KCNQ2: variants seen among roughly 807,000 people sequenced by gnomAD.
KCNQ2 encodes the protein potassium voltage-gated channel subfamily KQT member 2.
Under a neutral mutation model 84.8 loss-of-function variants are expected in KCNQ2, and 14 were observed. The observed-to-expected ratio is 0.17, with a 90% CI of 0.11 to 0.26. The LOEUF is 0.26. Ranked by LOEUF, KCNQ2 falls within the 10% of genes least tolerant of loss-of-function variation. The probability of loss-of-function intolerance (pLI) is 1.00; values close to 1 mark genes in which losing one functional copy is unlikely to be tolerated. For synonymous variants in KCNQ2, 599 were observed against 554.1 expected, an observed-to-expected ratio of 1.08 and a Z score of -1.14; for missense variants, 788 against 1,254.0, an observed-to-expected ratio of 0.63 and a Z score of 5.61.
chr20:63,436,003 T>C lies in KCNQ2; in HGVS notation c.1024-2100A>G, dbSNP rs567641922. 3.4e-3 allele frequency among the ~76,000 whole-genome samples: 492 copies of C among 142,832 alleles called. 4 individuals carry two copies. The highest frequency in any genetic ancestry group is 0.012 in the African/African-American group (476 of 39,438). 93.7% of individuals were successfully genotyped at this position (142,832 alleles called of 152,430 possible). A position where few individuals can be genotyped will look rare whatever the true frequency, so the allele number is the denominator to read the frequency against. On this transcript the variant is annotated intron_variant, in intron 7 of 16. Transcript: ENST00000359125. ...GTGGTTTCTTTTTTTTTTTTTTTGG[T>C]CGACAGAATCTACTCCAGGCAAAGA...
intron 1 of KCNQ2, among the ~76,000 whole-genome samples, chr20:63,464,867 C>A (rs1317207539): frequency 6.6e-6 from 1 of 152,168 alleles, no homozygotes; most frequent in Non-Finnish European, 1.5e-5. Flanking sequence ...TTGGCAGGGG[C>A]GTCTCCCCCA....
chr20:63,406,551 G>T lies in KCNQ2; in HGVS notation c.*93C>A. ...ACCCTTCCCGCCACACTCAGTTACT[G>T]TAAGAAAAGGGCCCCAGAGGGTTCC... On this transcript the variant is annotated 3_prime_UTR_variant, in exon 17 of 17. Transcript: ENST00000359125. The T allele has an allele frequency of 2.1e-6, 3 of 1,404,594 alleles. No individual in the cohort carries two copies. Among genetic ancestry groups the T allele is most frequent in the Admixed American group, 5.3e-5 (2 of 37,998 alleles). 87.0% of individuals were successfully genotyped at this position (1,404,594 alleles called of 1,614,324 possible). A position where few individuals can be genotyped will look rare whatever the true frequency, so the allele number is the denominator to read the frequency against.
intron 8 of KCNQ2, among the ~76,000 whole-genome samples, chr20:63,432,923 A>T (rs1047739240): frequency 6.6e-6 from 1 of 152,120 alleles, no homozygotes; most frequent in Non-Finnish European, 1.5e-5. Context: ...GGGGACAGAA[A>T]CCCCCTAGGA....
chr20:63,459,705 C>T (rs6122452), intron 1 of KCNQ2, among the ~76,000 whole-genome samples: 44 of 152,112 alleles, frequency 2.9e-4, no homozygotes, highest in African/African-American at 9.6e-4. Flanking sequence ...CTGAATTACT[C>T]GCTTTAAAAT....
intron 15 of KCNQ2, 122 bp downstream of exon 15, chr20:63,413,328 G>A (rs748488991): frequency 1.7e-5 from 19 of 1,135,088 alleles, no homozygotes; most frequent in East Asian, 1.5e-4. Flanking sequence ...AGAGGCCGAC[G>A]TGGGTGGGGA....
chr20:63,440,624 C>T (rs745460646), intron 5 of KCNQ2, among the ~76,000 whole-genome samples: 15 of 152,152 alleles, frequency 9.9e-5, no homozygotes, highest in Admixed American at 6.5e-5. Flanking sequence ...ACAGCAGGGC[C>T]GGGAAGGGGA....
At chr20:63,416,491 G>A (rs1282929220) in intron 12 of KCNQ2, among the ~76,000 whole-genome samples, 1 of 152,200 alleles carries the variant, frequency 6.6e-6, no homozygotes, top group African/African-American at 2.4e-5. Context: ...GGGCTCTCAC[G>A]AACTGGGGAC....
At position 63,407,405 on chromosome 20, in the gene KCNQ2, G is replaced by T; in HGVS notation, c.1888-30C>A. 6.3e-7 allele frequency: 1 copy of T among 1,596,182 alleles called. No individual in the cohort carries two copies. The highest frequency in any genetic ancestry group is 1.1e-5 in the South Asian group (1 of 90,824). ...AAAAGGGGCTGCTGGGCTGGGGTGC[G>T]AGGGCCCGTCCCAGGAGATGTGGGG... On this transcript the variant is annotated intron_variant, in intron 16 of 16. Coordinates refer to ENST00000359125, the MANE Select transcript of KCNQ2 (RefSeq NM_172107.4). The surrounding 1 kb of genome is among the most constrained non-coding windows in gnomAD (Gnocchi z 7.2).
At chr20:63,472,081 C>T in intron 1 of KCNQ2, 87 bp downstream of exon 1, 1 of 1,039,360 alleles carries the variant, frequency 9.6e-7, no homozygotes, top group Non-Finnish European at 1.3e-6. Flanking sequence ...GCCAAACCCG[C>T]CGCAGCCAGC....
chr20:63,410,406 G>A (rs1451333213), intron 15 of KCNQ2, among the ~76,000 whole-genome samples: 3 of 152,150 alleles, frequency 2.0e-5, no homozygotes, highest in Non-Finnish European at 2.9e-5. Context: ...CGTGAGGTGG[G>A]GCAAGCGCTC....
intron 1 of KCNQ2, among the ~76,000 whole-genome samples, chr20:63,468,727 GCCCCAGGGACAGGCCCT>G (rs1170595493): frequency 1.3e-5 from 2 of 152,364 alleles, no homozygotes; most frequent in East Asian, 3.9e-4. Flanking sequence ...GGCACAGCGA[GCCCCAGGGACAGGCCCT>G]CCCCGGTGCC....
rs1011425458 is a variant in KCNQ2 at position 63,446,057 on chromosome 20, C to T, written c.387+690G>A. 6 of 280,194 alleles carry T rather than the reference C, an allele frequency of 2.1e-5. No individual in the cohort carries two copies. Among genetic ancestry groups the T allele is most frequent in the African/African-American group, 9.6e-5 (4 of 41,798 alleles). The allele number at this position is 280,194 out of a possible 1,614,324, so 17.4% of individuals were successfully genotyped here. On this transcript the variant is annotated intron_variant, in intron 2 of 16. Coordinates refer to ENST00000359125, the MANE Select transcript of KCNQ2 (RefSeq NM_172107.4). This position sits in a 1 kb window ranked among gnomAD's most constrained non-coding sequence, Gnocchi z 5.5. ...GAGCTGCCCTGTCCAAGCTGGGGGA[C>T]TCTATCTGAGTTGGGGGCCCCTGTC... is the stretch of plus-strand genomic sequence containing the variant.
At position 63,428,353 on chromosome 20, in the gene KCNQ2, G is replaced by A; in HGVS notation, c.1217+14C>T. On this transcript the variant is annotated intron_variant, in intron 10 of 16. Coordinates refer to ENST00000359125, the MANE Select transcript of KCNQ2 (RefSeq NM_172107.4). ...GAGACGCCCACCCGCCCCACCTGGAGCTCCCCAGCTGACCTGAAAGCGAGT... is the reference window on the plus strand; with the variant it reads ...GAGACGCCCACCCGCCCCACCTGGAACTCCCCAGCTGACCTGAAAGCGAGT... The A allele has an allele frequency of 6.4e-7, 1 of 1,556,334 alleles. No individual in the cohort carries two copies. Among genetic ancestry groups the A allele is most frequent in the Non-Finnish European group, 8.7e-7 (1 of 1,148,742 alleles).
At chr20:63,417,797 C>T (rs2080340957) in intron 12 of KCNQ2, among the ~76,000 whole-genome samples, 1 of 152,230 alleles carries the variant, frequency 6.6e-6, no homozygotes, top group African/African-American at 2.4e-5. Flanking sequence ...CCCCGCTGAC[C>T]ACGACAAGGA....
rs757064600 is a variant in KCNQ2 at position 63,407,390 on chromosome 20, G to A, written c.1888-15C>T. The A allele has an allele frequency of 6.3e-7, 1 of 1,597,528 alleles. No homozygotes were observed. On this transcript the variant is annotated splice_polypyrimidine_tract_variant and intron_variant, in intron 16 of 16. Transcript: ENST00000359125. The surrounding 1 kb of genome is among the most constrained non-coding windows in gnomAD (Gnocchi z 7.2). ...ATGGACAAGACCTGCAAAAGGGGCT[G>A]CTGGGCTGGGGTGCGAGGGCCCGTC...
At position 63,400,510 on chromosome 20, in the gene KCNQ2, C is replaced by T. The variant is rs1278630287; in HGVS notation, c.*6134G>A. On this transcript the variant is annotated 3_prime_UTR_variant, in exon 17 of 17. Transcript: ENST00000359125. This position sits in a 1 kb window ranked among gnomAD's most constrained non-coding sequence, Gnocchi z 8.7. The stretch of plus-strand genomic sequence containing the variant: ...TGAAGTGTGCGGGGTAACACATCCA[C>T]CAAAAAAAGGCCTGGTCACTACGGC... 2 of 397,528 alleles carry T rather than the reference C, an allele frequency of 5.0e-6. No homozygotes were observed. The highest frequency in any genetic ancestry group is 8.9e-6 in the Non-Finnish European group (2 of 225,888). The allele number at this position is 397,528 out of a possible 1,614,324, so 24.6% of individuals were successfully genotyped here. A position where few individuals can be genotyped will look rare whatever the true frequency, so the allele number is the denominator to read the frequency against.
At chr20:63,410,165 C>T (rs556249608) in intron 15 of KCNQ2, among the ~76,000 whole-genome samples, 3 of 152,166 alleles carry the variant, frequency 2.0e-5, no homozygotes, top group South Asian at 4.1e-4. Context: ...ACGCCAGTGG[C>T]GATGGAGGAG....
At chr20:63,442,911 T>TCACCACCAC (rs2081249751) in intron 4 of KCNQ2, among the ~76,000 whole-genome samples, 1 of 3,996 alleles carries the variant, frequency 2.5e-4, no homozygotes, top group African/African-American at 1.0e-3. Flanking sequence ...ACCACCACCA[T>TCACCACCAC]CACCATCACC....
At position 63,429,130 on chromosome 20, in the gene KCNQ2, C is replaced by T. The variant is rs958612041; in HGVS notation, c.1149-695G>A. On this transcript the variant is annotated intron_variant, in intron 9 of 16. Coordinates refer to ENST00000359125, the MANE Select transcript of KCNQ2 (RefSeq NM_172107.4). Reference sequence around the variant, plus strand: ...CCCCCAGGCAGGTATGCAGGCACCTCCTCACGTCTGGGTGGGACGTCCCCC... The same window carrying T: ...CCCCCAGGCAGGTATGCAGGCACCTTCTCACGTCTGGGTGGGACGTCCCCC... Among the ~76,000 whole-genome samples the T allele has an allele frequency of 5.3e-5, 8 of 152,086 alleles. No individual in the cohort carries two copies. The South Asian group carries it at 1.0e-3, about 20-fold the overall frequency.
Sources: allele counts gnomAD v4.1 joint callset (sites outside exome capture counted in the v4.1 genomes callset), GRCh38; gene constraint gnomAD v4.1.1; non-coding constraint Gnocchi (gnomAD v3.1); transcripts MANE v1.5; gene names NCBI Gene and HGNC (gene_info 2026-07-23, HGNC 2026-07-21).